Variants in LRP1 observed in about 807,000 individuals in gnomAD.
LRP1 encodes the protein LDL receptor related protein 1.
In LRP1, 51 loss-of-function variants were observed where a neutral mutation model predicts 541.5. The ratio of observed to expected loss-of-function variants is 0.09; its 90% CI spans 0.08 to 0.12. The LOEUF is 0.12. Ranked by LOEUF, LRP1 falls within the 10% of genes least tolerant of loss-of-function variation. The pLI, the probability that LRP1 is intolerant of heterozygous loss-of-function variation, is 1.00. For missense variants in LRP1, 3,878 were observed against 6,376.2 expected, an observed-to-expected ratio of 0.61 and a Z score of 13.34; for synonymous variants, 2,219 against 2,470.8, an observed-to-expected ratio of 0.90 and a Z score of 3.02.
At position 57,183,524 on chromosome 12, in the gene LRP1, TG is replaced by T. The variant is rs1332695372; in HGVS notation, c.5794+16del. 1.2e-5 allele frequency: 20 copies of T among 1,610,676 alleles called. No homozygotes were observed. The highest frequency in any genetic ancestry group is 1.6e-5 in the Non-Finnish European group (19 of 1,177,712). On this transcript the variant is annotated intron_variant, in intron 35 of 88. Transcript: ENST00000243077. The surrounding 1 kb of genome is among the most constrained non-coding windows in gnomAD (Gnocchi z 6.1). ...ACTTCCACGCTGGTGAGCCATTTGG[TG>T]GCAGAGGGAGTTGGGCGTGGCGTAG...
At position 57,178,811 on chromosome 12, in the gene LRP1, G is replaced by A. The variant is rs903488002; in HGVS notation, c.4607-79G>A. The A allele has an allele frequency of 2.6e-6, 4 of 1,544,126 alleles. No homozygotes were observed. Among genetic ancestry groups the A allele is most frequent in the East Asian group, 2.2e-5 (1 of 44,510 alleles). ...TGCTGGAACAGGGGGAGGAGAGTGGGCGAGGAAGGGGTGGTCCATGTAGGG... is the reference window on the plus strand; with the variant it reads ...TGCTGGAACAGGGGGAGGAGAGTGGACGAGGAAGGGGTGGTCCATGTAGGG... On this transcript the variant is annotated intron_variant, in intron 27 of 88. Transcript: ENST00000243077. This position sits in a 1 kb window ranked among gnomAD's most constrained non-coding sequence, Gnocchi z 5.8.
chr12:57,175,642 G>A lies in LRP1; in HGVS notation c.3730G>A (p.Val1244Met). The A allele has an allele frequency of 6.2e-7, 1 of 1,607,218 alleles. No homozygotes were observed. The highest frequency in any genetic ancestry group is 8.5e-7 in the Non-Finnish European group (1 of 1,175,560). ...SQKCDQNKFS[V>M]KCSCYEGWVL... ...AAAGTGCGACCAGAACAAGTTCAGCGTGAAGTGCTCCTGCTACGAGGGCTG... is the reference window on the plus strand; with the variant it reads ...AAAGTGCGACCAGAACAAGTTCAGCATGAAGTGCTCCTGCTACGAGGGCTG... Residue 1244 changes from valine to methionine, a missense_variant, in exon 23 of 89, where the codon GTG becomes ATG. Physicochemically the swap from Val to Met is conservative, Grantham distance 21 (BLOSUM62 1). This residue lies in a region of LRP1 where 320 missense variants were observed against 547.9 expected (regional missense o/e 0.58). Coordinates refer to ENST00000243077, the MANE Select transcript of LRP1 (RefSeq NM_002332.3).
chr12:57,164,919 A>G (rs1040363404), intron 15 of LRP1: 3 of 152,320 alleles, frequency 2.0e-5, no homozygotes, highest in Non-Finnish European at 4.4e-5. Context: ...GAAGTCACCA[A>G]GAACTGAACC....
intron 62 of LRP1, 64 bp downstream of exon 62, chr12:57,200,089 C>T: frequency 2.9e-6 from 4 of 1,391,286 alleles, no homozygotes; most frequent in East Asian, 2.4e-5. Context: ...CCTCCTTGGA[C>T]CCCAACACCT....
rs113471717 is a variant in LRP1, at chr12:57,165,957, G to A, written c.2671+12G>A. On this transcript the variant is annotated intron_variant, in intron 16 of 88. Transcript: ENST00000243077. This position sits in a 1 kb window ranked among gnomAD's most constrained non-coding sequence, Gnocchi z 4.5. ...CCCAGCCCTCTGCCGTGAGTCACAC[G>A]CCCTGCCCCACCCTGTTGGATGGCA... The A allele has an allele frequency of 1.3e-5, 21 of 1,613,876 alleles. No homozygotes were observed. Among genetic ancestry groups the A allele is most frequent in the African/African-American group, 2.7e-5 (2 of 75,034 alleles).
intron 1 of LRP1, among the ~76,000 whole-genome samples, chr12:57,137,294 T>C (rs1258597043): frequency 1.5e-5 from 2 of 134,956 alleles, no homozygotes; most frequent in Non-Finnish European, 3.2e-5. Context: ...AATTCCTCCT[T>C]GGGGGATGAG....
chr12:57,209,276 ACTTCAATGCCTCCCATC>A, intron 79 of LRP1, 77 bp downstream of exon 79: 1 of 1,128,400 alleles, frequency 8.9e-7, no homozygotes. Flanking sequence ...CAAAGGCCTC[ACTTCAATGCCTCCCATC>A]CTTTGTCACT....
At position 57,190,593 on chromosome 12, in the gene LRP1, C is replaced by T. The variant is rs1284959642; in HGVS notation, c.7032-212C>T. Reference sequence around the variant, plus strand: ...CAATGTGAATATCTCACACTTGGCCCTCATCCCCTCACACTCAGCCACCTC... The same window carrying T: ...CAATGTGAATATCTCACACTTGGCCTTCATCCCCTCACACTCAGCCACCTC... On this transcript the variant is annotated intron_variant, in intron 42 of 88. Coordinates refer to ENST00000243077, the MANE Select transcript of LRP1 (RefSeq NM_002332.3). 4.6e-5 allele frequency among the ~76,000 whole-genome samples: 7 copies of T among 152,252 alleles called. No individual in the cohort carries two copies. In the South Asian group the frequency reaches 6.2e-4, roughly 13 times the overall value.
chr12:57,204,924 G>T lies in LRP1; in HGVS notation c.11194+175G>T. The stretch of plus-strand genomic sequence containing the variant: ...TTCGTTAGGAAAGAGAAGCCCCTGG[G>T]GAAGGCTCTGGGGGCTGCCTGATGC... On this transcript the variant is annotated intron_variant, in intron 72 of 88. Coordinates refer to ENST00000243077, the MANE Select transcript of LRP1 (RefSeq NM_002332.3). This position sits in a 1 kb window ranked among gnomAD's most constrained non-coding sequence, Gnocchi z 5.3. 2.3e-6 allele frequency: 3 copies of T among 1,325,390 alleles called. No individual in the cohort carries two copies. Among genetic ancestry groups the T allele is most frequent in the Non-Finnish European group, 3.1e-6 (3 of 975,308 alleles). The allele number at this position is 1,325,390 out of a possible 1,614,324, so 82.1% of individuals were successfully genotyped here. A position where few individuals can be genotyped will look rare whatever the true frequency, so the allele number is the denominator to read the frequency against.
In LRP1 at chr12:57,199,410, C is replaced by G. The variant is rs757182406; in HGVS notation, c.9865+10C>G. 5.0e-6 allele frequency: 8 copies of G among 1,605,112 alleles called. No homozygotes were observed. The highest frequency in any genetic ancestry group is 3.3e-5 in the Admixed American group (2 of 59,786). ...CTGCGCCAGCCAGACGGTGAGCAGG[C>G]AAGGGGTGGGAGCAGGCGAACGGTG... On this transcript the variant is annotated intron_variant, in intron 61 of 88. Transcript: ENST00000243077.
In LRP1 at chr12:57,190,981, G is replaced by T. The variant is rs1357101794; in HGVS notation, c.7208G>T (p.Arg2403Leu). 7 of 1,612,060 alleles carry T rather than the reference G, an allele frequency of 4.3e-6. No individual in the cohort carries two copies. Among genetic ancestry groups the T allele is most frequent in the Non-Finnish European group, 5.1e-6 (6 of 1,179,926 alleles). Residue 2403 changes from arginine (R) to leucine (L), a missense_variant, in exon 43 of 89, where the codon CGG (arginine) becomes CTG (leucine). Transcript: ENST00000243077. ...GACGCCACCCTGGACAAGATCGAGC[G>T]GTGCGAGTATGACGGCTCCCACCGC... The part of the protein sequence containing the change: ...FSDATLDKIE[R>L]CEYDGSHRYV...
intron 3 of LRP1, among the ~76,000 whole-genome samples, chr12:57,142,704 C>T (rs558866252): frequency 6.6e-6 from 1 of 152,258 alleles, no homozygotes; most frequent in South Asian, 2.1e-4. Context: ...TCCTCATTCC[C>T]TCACCCTATA....
rs1314424606 is a variant in LRP1 at position 57,175,460 on chromosome 12, A to C, written c.3548A>C (p.Asp1183Ala). The change falls in exon 23 of 89, where the codon GAC becomes GCC. Residue 1183 changes from aspartate (D) to alanine (A), a missense_variant and splice_region_variant. Asp to Ala is a moderately radical substitution (Grantham distance 126). Transcript: ENST00000243077. ...TGTTCCATGCCTGCCCCTCCCCTAG[A>C]CCAGTGCTCTCTGAATAACGGTGGC... ...GDGSDEGELCDQCSLNNGGCS... is the reference protein window; with the variant it reads ...GDGSDEGELCAQCSLNNGGCS... 2.5e-6 allele frequency: 4 copies of C among 1,612,810 alleles called. No homozygotes were observed. The highest frequency in any genetic ancestry group is 3.4e-6 in the Non-Finnish European group (4 of 1,179,982).
rs916639890 is a variant in LRP1, at chr12:57,156,617, G to T, written c.1418-160G>T. Among the ~76,000 whole-genome samples the T allele has an allele frequency of 1.3e-5, 2 of 152,260 alleles. No homozygotes were observed. The highest frequency in any genetic ancestry group is 2.9e-5 in the Non-Finnish European group (2 of 68,050). On this transcript the variant is annotated intron_variant, in intron 9 of 88. Transcript: ENST00000243077. The surrounding 1 kb of genome is among the most constrained non-coding windows in gnomAD (Gnocchi z 5.2). ...CAAGAGTTTGAAGGCTGGGTTGTTG[G>T]GGGGCAGAGGGTTTCCACCCCTGTG... is the stretch of plus-strand genomic sequence containing the variant.
chr12:57,145,513 G>A, intron 6 of LRP1, 23 bp downstream of exon 6: 1 of 1,607,556 alleles, frequency 6.2e-7, no homozygotes, highest in Middle Eastern at 1.7e-4. Flanking sequence ...CTCTCAGCTT[G>A]GAGGGCTGGG....
In LRP1 at chr12:57,203,437, G is replaced by A. The variant is rs763320070; in HGVS notation, c.10867G>A (p.Gly3623Ser). 20 of 1,607,860 alleles carry A rather than the reference G, an allele frequency of 1.2e-5. No homozygotes were observed. The highest frequency in any genetic ancestry group is 4.0e-5 in the African/African-American group (3 of 74,802). The stretch of plus-strand genomic sequence containing the variant: ...CATGGACCAGTTCCAGTGCAAGAGC[G>A]GCCACTGCATCCCCCTGCGCTGGCG... Reference protein sequence around the residue: ...CDMDQFQCKSGHCIPLRWRCD... With the variant: ...CDMDQFQCKSSHCIPLRWRCD... The change falls in exon 70 of 89, where the codon GGC becomes AGC. Residue 3623 changes from glycine to serine, a missense_variant. Transcript: ENST00000243077.
chr12:57,130,933 T>G (rs1297325972), intron 1 of LRP1, among the ~76,000 whole-genome samples: 2 of 152,070 alleles, frequency 1.3e-5, no homozygotes, highest in Non-Finnish European at 2.9e-5. Context: ...ACACCAATAT[T>G]TCTGCCTTGG....
At position 57,183,389 on chromosome 12, in the gene LRP1, C is replaced by G; in HGVS notation, c.5673C>G (p.Ser1891=). 1 of 1,604,650 alleles carries G rather than the reference C, an allele frequency of 6.2e-7. No homozygotes were observed. Residue 1891 remains serine, a synonymous_variant, in exon 35 of 89, where the codon TCC becomes TCG. Coordinates refer to ENST00000243077, the MANE Select transcript of LRP1 (RefSeq NM_002332.3). This position sits in a 1 kb window ranked among gnomAD's most constrained non-coding sequence, Gnocchi z 6.1. The part of the protein sequence containing the change: ...SGQQACEGVG[S]FLLYSVHEGI... Reference sequence around the variant, plus strand: ...TTCCTTGTCTTTCAGGCGTAGGTTCCTTTCTCCTGTACTCTGTGCATGAGG... The same window carrying G: ...TTCCTTGTCTTTCAGGCGTAGGTTCGTTTCTCCTGTACTCTGTGCATGAGG...
chr12:57,179,165 A>C lies in LRP1; in HGVS notation c.4738+144A>C. ...GGCTCCAGAGACAGCCACTGTGAGA[A>C]GGGGCTGCAGGTCTGCCAGGGGGGC... On this transcript the variant is annotated intron_variant, in intron 28 of 88. Coordinates refer to ENST00000243077, the MANE Select transcript of LRP1 (RefSeq NM_002332.3). This position sits in a 1 kb window ranked among gnomAD's most constrained non-coding sequence, Gnocchi z 6.8. 7.7e-7 allele frequency: 1 copy of C among 1,298,138 alleles called. No individual in the cohort carries two copies. The highest frequency in any genetic ancestry group is 1.1e-6 in the Non-Finnish European group (1 of 948,806). The allele number at this position is 1,298,138 out of a possible 1,614,324, so 80.4% of individuals were successfully genotyped here. A position where few individuals can be genotyped will look rare whatever the true frequency, so the allele number is the denominator to read the frequency against.
Sources: gnomAD v4.1 joint callset for allele counts (sites outside exome capture counted in the v4.1 genomes callset) on GRCh38, gnomAD v4.1.1 for gene constraint, gnomAD v4.1.1 regional missense constraint, Gnocchi (gnomAD v3.1) non-coding constraint, MANE v1.5 for transcripts, NCBI Gene and HGNC (gene_info 2026-07-23, HGNC 2026-07-21) for gene names.